The following ATAD1 variants were observed in gnomAD, a reference collection of about 807,000 sequenced individuals.
ATAD1 encodes the protein ATPase family AAA domain containing 1.
ATAD1 carries 18 observed loss-of-function variants against 42.7 expected under a neutral mutation model. The ratio of observed to expected loss-of-function variants is 0.42; its 90% confidence interval spans 0.29 to 0.63. The LOEUF (loss-of-function observed/expected upper bound fraction) is 0.63. ATAD1 is among the 20% of genes least tolerant of loss of function. The pLI, the probability that ATAD1 is intolerant of heterozygous loss-of-function variation, is 0.19. For missense variants in ATAD1, 294 were observed against 440.4 expected (o/e 0.67, Z 2.98); for synonymous variants, 132 against 143.1 (o/e 0.92, Z 0.55).
At chr10:87,821,116 C>T (rs1857623219), upstream of ATAD1, among the ~76,000 whole-genome samples, 1 of 152,110 alleles carries the variant, frequency 6.6e-6, no homozygotes, top group South Asian at 2.1e-4. Flanking sequence ...ATAGTTATGG[C>T]AGTTCTCCTC....
chr10:87,754,683 A>G lies in ATAD1; in HGVS notation c.*4T>C. On this transcript the variant is annotated 3_prime_UTR_variant, in exon 10 of 10. Coordinates refer to ENST00000680024, the MANE Select transcript of ATAD1 (RefSeq NM_001321967.2). Reference sequence around the variant, plus strand: ...TCACTGAACTGTACAAATGATCTTTACTCTTAATCTAAACAAACATGTGTT... The same window carrying G: ...TCACTGAACTGTACAAATGATCTTTGCTCTTAATCTAAACAAACATGTGTT... 6.2e-7 allele frequency: 1 copy of G among 1,611,828 alleles called. No individual in the cohort carries two copies. The highest frequency in any genetic ancestry group is 1.7e-5 in the Admixed American group (1 of 59,948).
intron 1 of ATAD1, among the ~76,000 whole-genome samples, chr10:87,824,284 C>G (rs1258027793): frequency 6.6e-6 from 1 of 151,870 alleles, no homozygotes; most frequent in Non-Finnish European, 1.5e-5. Context: ...ACGATTCAAA[C>G]CATTTTACTG....
At chr10:87,765,012 T>C (rs1193273959) in intron 8 of ATAD1, among the ~76,000 whole-genome samples, 4 of 152,092 alleles carry the variant, frequency 2.6e-5, no homozygotes, top group Admixed American at 2.6e-4. Flanking sequence ...ATGAAAATAA[T>C]GACTTACTGT....
chr10:87,822,306 T>C (rs893364864), upstream of ATAD1, among the ~76,000 whole-genome samples: 4 of 152,210 alleles, frequency 2.6e-5, no homozygotes, highest in South Asian at 4.1e-4. Flanking sequence ...TTCTGAATCA[T>C]ATGAACCATT....
chr10:87,817,127 A>G (rs1380529917), intron 1 of ATAD1, among the ~76,000 whole-genome samples: 6 of 152,224 alleles, frequency 3.9e-5, no homozygotes, highest in Non-Finnish European at 7.3e-5. Flanking sequence ...AATTACTTCA[A>G]AATCCTTCAA....
chr10:87,776,505 G>A (rs1855311161), intron 5 of ATAD1, 78 bp from the exon 6 acceptor site: 2 of 1,210,576 alleles, frequency 1.7e-6, no homozygotes, highest in African/African-American at 3.0e-5. Flanking sequence ...GTCTCACTCT[G>A]TTGCCCAGGC....
intron 2 of ATAD1, among the ~76,000 whole-genome samples, chr10:87,811,274 A>G (rs1857167383): frequency 6.6e-6 from 1 of 152,166 alleles, no homozygotes; most frequent in African/African-American, 2.4e-5. Context: ...AGCAGGGTAC[A>G]GCGAGCTGAG....
chr10:87,763,340 T>C (rs1362166080), intron 8 of ATAD1, among the ~76,000 whole-genome samples: 2 of 152,166 alleles, frequency 1.3e-5, no homozygotes, highest in Non-Finnish European at 2.9e-5. Context: ...AGCTTTTGCA[T>C]ACACTATATG....
intron 2 of ATAD1, among the ~76,000 whole-genome samples, chr10:87,804,917 T>C (rs190103219): frequency 2.0e-5 from 3 of 152,288 alleles, no homozygotes; most frequent in Non-Finnish European, 4.4e-5. Flanking sequence ...TCCTCTCTCA[T>C]TACCAATTAA....
chr10:87,813,560 T>C (rs936721480), intron 2 of ATAD1, among the ~76,000 whole-genome samples: 3 of 152,158 alleles, frequency 2.0e-5, no homozygotes, highest in African/African-American at 7.2e-5. Flanking sequence ...GGGCTAACAT[T>C]GTAAAACAGT....
chr10:87,816,119 T>C (rs1157407966), intron 1 of ATAD1, among the ~76,000 whole-genome samples: 1 of 152,186 alleles, frequency 6.6e-6, no homozygotes, highest in Admixed American at 6.5e-5. Flanking sequence ...TTGAGATATC[T>C]ACTCGACTAG....
chr10:87,756,226 GA>G (rs1203357568), intron 9 of ATAD1, among the ~76,000 whole-genome samples: 4 of 152,284 alleles, frequency 2.6e-5, no homozygotes, highest in Middle Eastern at 3.4e-3. Flanking sequence ...GAAATTGTTA[GA>G]AGGCTGATAT....
chr10:87,820,228 G>T (rs1239250249), upstream of ATAD1, among the ~76,000 whole-genome samples: 2 of 152,142 alleles, frequency 1.3e-5, no homozygotes, highest in African/African-American at 4.8e-5. Flanking sequence ...TGGTTTGGCA[G>T]GGCTAAAAGG....
chr10:87,791,118 T>C (rs529505609), intron 3 of ATAD1, among the ~76,000 whole-genome samples: 9 of 148,724 alleles, frequency 6.1e-5, no homozygotes, highest in Middle Eastern at 3.6e-3. Flanking sequence ...GGCAGGAGAA[T>C]TGCCAGAACC....
At chr10:87,792,830 A>T in intron 2 of ATAD1, 75 bp from the exon 3 acceptor site, 1 of 1,091,556 alleles carries the variant, frequency 9.2e-7, no homozygotes. Flanking sequence ...ATATATGTGA[A>T]GTCTAAAGAG....
intron 6 of ATAD1, among the ~76,000 whole-genome samples, chr10:87,771,762 A>G (rs1855042491): frequency 6.6e-6 from 1 of 152,116 alleles, no homozygotes; most frequent in South Asian, 2.1e-4. Flanking sequence ...ATTAAAAAAA[A>G]AAAAAGAACT....
At chr10:87,818,026 G>A (rs1430828986) in intron 1 of ATAD1, 141 bp downstream of exon 1, 1 of 985,722 alleles carries the variant, frequency 1.0e-6, no homozygotes. Context: ...CGGGGCGCTT[G>A]GGGGCGGCAC....
At chr10:87,769,298 T>C (rs1375893234) in intron 7 of ATAD1, among the ~76,000 whole-genome samples, 1 of 152,156 alleles carries the variant, frequency 6.6e-6, no homozygotes, top group Non-Finnish European at 1.5e-5. Context: ...CTATATTCCT[T>C]GGTGCTGCGC....
At chr10:87,831,479 A>G (rs1857827607) in intron 1 of ATAD1, among the ~76,000 whole-genome samples, 1 of 152,212 alleles carries the variant, frequency 6.6e-6, no homozygotes, top group Non-Finnish European at 1.5e-5. Context: ...ACCAGTGTAG[A>G]TACTATAGAT....
Sources: allele counts gnomAD v4.1 joint callset (sites outside exome capture counted in the v4.1 genomes callset), GRCh38; gene constraint gnomAD v4.1.1; transcripts MANE v1.5; gene names NCBI Gene and HGNC (gene_info 2026-07-23, HGNC 2026-07-21).